The following IGF2R variants were observed in gnomAD, a reference collection of about 807,000 sequenced individuals.
The protein encoded by IGF2R is cation-independent mannose-6-phosphate receptor.
IGF2R carries 91 observed loss-of-function variants against 270.6 expected under a neutral mutation model. The observed-to-expected ratio is 0.34, with a 90% CI of 0.28 to 0.40. The LOEUF is 0.40. Among genes scored for constraint, IGF2R ranks in the 10% least tolerant of loss-of-function variants. The pLI is 1.00. For synonymous variants in IGF2R, 1,316 were observed against 1,258.9 expected, an observed-to-expected ratio of 1.05 and a Z score of -0.96; for missense variants, 2,805 against 3,188.3, an observed-to-expected ratio of 0.88 and a Z score of 2.90.
At chr6:159,982,136 A>T (rs1174482546) in intron 1 of IGF2R, among the ~76,000 whole-genome samples, 1 of 152,210 alleles carries the variant, frequency 6.6e-6, no homozygotes, top group Non-Finnish European at 1.5e-5. Flanking sequence ...TGTAGGCAAC[A>T]GCAAGTTGTT....
chr6:160,048,419 T>G lies in IGF2R; in HGVS notation c.2390T>G (p.Met797Arg). 1.2e-6 allele frequency: 2 copies of G among 1,614,256 alleles called. No homozygotes were observed. Among genetic ancestry groups the G allele is most frequent in the Non-Finnish European group, 1.7e-6 (2 of 1,180,032 alleles). ...EGGLGGNWYA[M>R]DNSGEHVTWR... ...GGCCTTGGAGGAAACTGGTATGCCA[T>G]GGACAACTCAGGGGAACATGTCACG... Residue 797 changes from methionine (M) to arginine (R), a missense_variant, in exon 18 of 48, where the codon ATG (methionine) becomes AGG (arginine). By Grantham distance (91) the Met-to-Arg change is moderately conservative. Transcript: ENST00000356956.
chr6:160,021,139 C>T (rs1320244905), intron 4 of IGF2R, among the ~76,000 whole-genome samples: 2 of 152,038 alleles, frequency 1.3e-5, no homozygotes, highest in East Asian at 1.9e-4. Context: ...GAGCAAAGGA[C>T]GTGAACAAAC....
At position 160,027,243 on chromosome 6, in the gene IGF2R, C is replaced by A; in HGVS notation, c.705C>A (p.Cys235Ter). Residue 235 changes from cysteine (C) to a stop codon, truncating the protein, a stop_gained, in exon 6 of 48, where the codon TGC becomes TGA. Transcript: ENST00000356956. LOFTEE classifies it high-confidence loss of function. ...LRACPPGTAACLVRGHQAFDV... is the reference protein window; with the variant it reads ...LRACPPGTAA ...CCTGTCCCCCCGGCACTGCCGCCTG[C>A]CTGGTAAGAGGACACCAGGCGTTTG... 1 of 1,614,232 alleles carries A rather than the reference C, an allele frequency of 6.2e-7. No homozygotes were observed. Among genetic ancestry groups the A allele is most frequent in the Non-Finnish European group, 8.5e-7 (1 of 1,180,032 alleles).
At chr6:160,045,003 G>A (rs753469301) in intron 13 of IGF2R, among the ~76,000 whole-genome samples, 11 of 152,162 alleles carry the variant, frequency 7.2e-5, no homozygotes, top group African/African-American at 1.7e-4. Flanking sequence ...AACATTGCCC[G>A]TGATCTCACC....
rs141988105 is a variant in IGF2R at position 160,015,454 on chromosome 6, G to A, written c.513+4669G>A. 1.4e-3 allele frequency among the ~76,000 whole-genome samples: 218 copies of A among 152,186 alleles called. 1 individual carries two copies. Among genetic ancestry groups the A allele is most frequent in the African/African-American group, 4.9e-3 (203 of 41,516 alleles). On this transcript the variant is annotated intron_variant, in intron 4 of 47. Coordinates refer to ENST00000356956, the MANE Select transcript of IGF2R (RefSeq NM_000876.4). ...TGGGCTTGAGTTCTTGCTGTGATGCGGAAGTTGGGTGCCCCTACTTCATGA... is the reference window on the plus strand; with the variant it reads ...TGGGCTTGAGTTCTTGCTGTGATGCAGAAGTTGGGTGCCCCTACTTCATGA...
At chr6:160,086,434 CTT>C (rs1283659298) in intron 41 of IGF2R, among the ~76,000 whole-genome samples, 1 of 152,140 alleles carries the variant, frequency 6.6e-6, no homozygotes, top group African/African-American at 2.4e-5. Flanking sequence ...GGGAGGTAGA[CTT>C]TTTGTTTTCA....
At chr6:160,075,761 T>C in intron 35 of IGF2R, 86 bp from the exon 36 acceptor site, 3 of 1,422,880 alleles carry the variant, frequency 2.1e-6, no homozygotes, top group Non-Finnish European at 2.9e-6. Flanking sequence ...GGTCTGGTTT[T>C]TGCAATTCTG....
intron 1 of IGF2R, among the ~76,000 whole-genome samples, chr6:159,987,991 A>G (rs949384347): frequency 6.6e-6 from 1 of 152,218 alleles, no homozygotes; most frequent in African/African-American, 2.4e-5. Flanking sequence ...TCCTACTCCC[A>G]TAACCACTTA....
intron 16 of IGF2R, 121 bp from the exon 17 acceptor site, chr6:160,047,671 G>C: frequency 1.4e-6 from 1 of 721,436 alleles, no homozygotes; most frequent in Admixed American, 2.0e-5. Flanking sequence ...GAGATGGGCA[G>C]ACTAAGCTTT....
chr6:159,999,392 A>C (rs1011655779), intron 2 of IGF2R, among the ~76,000 whole-genome samples: 1 of 152,182 alleles, frequency 6.6e-6, no homozygotes, highest in African/African-American at 2.4e-5. Context: ...CTCCACAATG[A>C]GCACCTTGCT....
intron 1 of IGF2R, 70 bp downstream of exon 1, chr6:159,969,465 G>A: frequency 9.2e-7 from 1 of 1,092,648 alleles, no homozygotes; most frequent in Non-Finnish European, 1.1e-6. Context: ...GGGGGGCGGG[G>A]AGCGCTCGAG....
Position 160,032,972 on chromosome 6 carries a change from A to G in IGF2R, c.1076A>G (p.Tyr359Cys). 6.2e-7 allele frequency: 1 copy of G among 1,600,138 alleles called. No individual in the cohort carries two copies. Among genetic ancestry groups the G allele is most frequent in the Non-Finnish European group, 8.6e-7 (1 of 1,167,782 alleles). The stretch of plus-strand genomic sequence containing the variant: ...TCCTATATTTCAGATGGAAAAGAAT[A>G]TTTGTTTTATTTGAATGTCTGTGGA... Reference protein sequence around the residue: ...GSSYISDGKEYLFYLNVCGET... With the variant: ...GSSYISDGKECLFYLNVCGET... The change falls in exon 9 of 48, where the codon TAT becomes TGT. Residue 359 changes from tyrosine (Y) to cysteine (C), a missense_variant. Physicochemically the swap from Tyr to Cys is radical, Grantham distance 194. Around this residue, in one of 2 missense-constraint regions of IGF2R, gnomAD observed 954 missense variants for 981.1 expected, o/e 0.97. Transcript: ENST00000356956.
intron 2 of IGF2R, among the ~76,000 whole-genome samples, chr6:160,002,281 C>G (rs1784141924): frequency 6.6e-6 from 1 of 152,018 alleles, no homozygotes; most frequent in Admixed American, 6.6e-5. Context: ...GTCCCAACTA[C>G]TTGGGAGGCT....
intron 1 of IGF2R, among the ~76,000 whole-genome samples, chr6:159,989,918 T>C (rs1430832695): frequency 1.3e-5 from 2 of 152,256 alleles, no homozygotes; most frequent in Non-Finnish European, 2.9e-5. Context: ...CCAAGTATAC[T>C]GATTGATGCA....
chr6:160,084,325 G>C lies in IGF2R; in HGVS notation c.6068+141G>C, dbSNP rs970754431. The C allele has an allele frequency of 1.6e-6, 1 of 625,126 alleles. No homozygotes were observed. Among genetic ancestry groups the C allele is most frequent in the African/African-American group, 1.8e-5 (1 of 54,496 alleles). 38.7% of individuals were successfully genotyped at this position (625,126 alleles called of 1,614,324 possible). ...GGCTGATGGTGGTTGAGTTGTGACT[G>C]TTCCTGGAAGCAGCCCGCAGTGTCA... On this transcript the variant is annotated intron_variant, in intron 40 of 47. Transcript: ENST00000356956. The surrounding 1 kb of genome is among the most constrained non-coding windows in gnomAD (Gnocchi z 4.6).
At chr6:160,049,584 C>T (rs1250305823) in intron 18 of IGF2R, among the ~76,000 whole-genome samples, 4 of 152,174 alleles carry the variant, frequency 2.6e-5, no homozygotes, top group African/African-American at 7.2e-5. Flanking sequence ...CTGGAACTTC[C>T]GCGCTGCACT....
intron 2 of IGF2R, among the ~76,000 whole-genome samples, chr6:159,999,479 G>C (rs1209580639): frequency 1.3e-5 from 2 of 152,180 alleles, no homozygotes; most frequent in East Asian, 3.8e-4. Context: ...CTGTGCTTTT[G>C]TGTGAGTCAT....
In IGF2R at chr6:160,102,848, C is replaced by A. The variant is rs910796595; in HGVS notation, c.6995+177C>A. ...CCCCAGCGTTGTGGTTTTTAAATGC[C>A]TGCATTTCTGTCTGACCAAGGCCGA... On this transcript the variant is annotated intron_variant, in intron 46 of 47. Coordinates refer to ENST00000356956, the MANE Select transcript of IGF2R (RefSeq NM_000876.4). The surrounding 1 kb of genome is among the most constrained non-coding windows in gnomAD (Gnocchi z 4.5). Among the ~76,000 whole-genome samples the A allele has an allele frequency of 1.3e-5, 2 of 152,166 alleles. No individual in the cohort carries two copies. The highest frequency in any genetic ancestry group is 4.8e-5 in the African/African-American group (2 of 41,444).
At position 160,072,152 on chromosome 6, in the gene IGF2R, C is replaced by T. The variant is rs185701572; in HGVS notation, c.4570+116C>T. 102 of 1,305,706 alleles carry T rather than the reference C, an allele frequency of 7.8e-5. No individual in the cohort carries two copies. The East Asian group carries it at 2.2e-3, about 28-fold the overall frequency. 80.9% of individuals were successfully genotyped at this position (1,305,706 alleles called of 1,614,324 possible). A position where few individuals can be genotyped will look rare whatever the true frequency, so the allele number is the denominator to read the frequency against. ...AGCTATGGGCAGCAGGCGCCCTGGG[C>T]AGAGGTGTCATGGTGTGTGGGTGTG... On this transcript the variant is annotated intron_variant, in intron 32 of 47. Transcript: ENST00000356956.
Sources: allele counts gnomAD v4.1 joint callset (sites outside exome capture counted in the v4.1 genomes callset), GRCh38; gene constraint gnomAD v4.1.1; regional missense constraint gnomAD v4.1.1; non-coding constraint Gnocchi (gnomAD v3.1); transcripts MANE v1.5; gene names NCBI Gene and HGNC (gene_info 2026-07-23, HGNC 2026-07-21).